The following SFI1 variants were observed in gnomAD, a reference collection of about 807,000 sequenced individuals.
SFI1 encodes SFI1 centrin binding protein.
Under a neutral mutation model 207.5 loss-of-function variants are expected in SFI1, and 195 were observed. The ratio of observed to expected loss-of-function variants is 0.94; its 90% CI spans 0.84 to 1.06. The LOEUF (loss-of-function observed/expected upper bound fraction) is 1.06, where lower values mean the gene tolerates loss of function less well. Ranked by LOEUF, SFI1 falls within the 50% of genes least tolerant of loss-of-function variation. SFI1 has a pLI of 0.00. For missense variants in SFI1, 1,634 were observed against 1,588.0 expected (o/e 1.03, Z -0.49); for synonymous variants, 630 against 598.9 (o/e 1.05, Z -0.76).
At chr22:31,576,558 T>A (rs1024743748) in intron 10 of SFI1, among the ~76,000 whole-genome samples, 1 of 151,906 alleles carries the variant, frequency 6.6e-6, no homozygotes, top group Non-Finnish European at 1.5e-5. Context: ...TGACCCAAAG[T>A]GATCCACTTG....
chr22:31,551,333 C>A (rs1689394153), intron 6 of SFI1, among the ~76,000 whole-genome samples: 1 of 152,092 alleles, frequency 6.6e-6, no homozygotes, highest in Admixed American at 6.6e-5. Flanking sequence ...ATCTTTCCAT[C>A]TTTGTCCCTG....
At chr22:31,530,677 CAG>C (rs749618728) in intron 3 of SFI1, 125 of 469,644 alleles carry the variant, frequency 2.7e-4, no homozygotes, top group Non-Finnish European at 4.4e-4. Context: ...GGGGTTTGAA[CAG>C]AGTGCTGAGA....
intron 14 of SFI1, chr22:31,587,242 A>G (rs904767147): frequency 1.2e-5 from 3 of 252,200 alleles, no homozygotes; most frequent in Non-Finnish European, 2.7e-5. Context: ...ATTGGGTATT[A>G]TGAGTAATCT....
At chr22:31,572,945 G>C (rs1391734539) in intron 8 of SFI1, 113 bp from the exon 9 acceptor site, 2 of 1,106,958 alleles carry the variant, frequency 1.8e-6, no homozygotes, top group East Asian at 4.8e-5. Flanking sequence ...CCACTTCCTT[G>C]TTTCTAATTT....
chr22:31,613,602 G>T lies in SFI1; in HGVS notation c.2743G>T (p.Ala915Ser). 1.3e-6 allele frequency: 2 copies of T among 1,580,184 alleles called. No individual in the cohort carries two copies. The highest frequency in any genetic ancestry group is 2.7e-5 in the African/African-American group (2 of 74,590). ...QQLQAQQQVQ[A>S]AHSLHRAVRR... is the part of the protein sequence containing the mutation. The stretch of plus-strand genomic sequence containing the variant: ...GAGCTGACCAGAGGCTGTGTTGTAG[G>T]CGGCTCACAGTCTCCATCGTGCCGT... Residue 915 changes from alanine to serine, a missense_variant and splice_region_variant, in exon 27 of 33, where the codon GCG (alanine) becomes TCG (serine). By Grantham distance (99) the Ala-to-Ser change is moderately conservative. Transcript: ENST00000400288.
chr22:31,580,470 T>C (rs1825381886), intron 12 of SFI1, 106 bp downstream of exon 12: 8 of 837,518 alleles, frequency 9.6e-6, no homozygotes, highest in South Asian at 8.6e-5. Context: ...AAAAAACTTT[T>C]TGTGCTTCAA....
chr22:31,520,541 C>A (rs937925521), intron 2 of SFI1, among the ~76,000 whole-genome samples: 6 of 151,972 alleles, frequency 3.9e-5, no homozygotes, highest in Non-Finnish European at 8.8e-5. Context: ...CTAATACTCA[C>A]GGAGGGTTGG....
In SFI1 at chr22:31,573,207, G is replaced by A. The variant is rs2063128827; in HGVS notation, c.915G>A (p.Gln305=). The A allele has an allele frequency of 6.2e-7, 1 of 1,613,874 alleles. No individual in the cohort carries two copies. The highest frequency in any genetic ancestry group is 8.5e-7 in the Non-Finnish European group (1 of 1,179,956). The change falls in exon 9 of 33, where the codon CAG becomes CAA. Residue 305 remains glutamine (Q), a synonymous_variant. Coordinates refer to ENST00000400288, the MANE Select transcript of SFI1 (RefSeq NM_001007467.3). ...EYLQVRRVKR[Q]QNEMAERFHH... ...TGCAAGTCCGCAGAGTGAAGAGACA[G>A]CAGAATGGTGAGTAGGAAGCTCCAG...
intron 7 of SFI1, among the ~76,000 whole-genome samples, chr22:31,560,393 T>C (rs2061569140): frequency 6.7e-6 from 1 of 149,334 alleles, no homozygotes; most frequent in Non-Finnish European, 1.5e-5. Flanking sequence ...CAAATGTTGG[T>C]AATACTCTTT....
chr22:31,548,509 G>A (rs565951336), intron 5 of SFI1, among the ~76,000 whole-genome samples: 13 of 152,070 alleles, frequency 8.5e-5, no homozygotes, highest in South Asian at 6.2e-4. Flanking sequence ...CGGGCATGGC[G>A]GCATGCGCCT....
At chr22:31,607,049 C>A (rs2281440) in intron 21 of SFI1, among the ~76,000 whole-genome samples, 12,862 of 151,706 alleles carry the variant, frequency 0.085, 953 homozygotes, top group East Asian at 0.39. Context: ...GACAACAGAG[C>A]AAGGTTGTCT....
At chr22:31,547,486 G>T (rs762271976) in intron 5 of SFI1, among the ~76,000 whole-genome samples, 35 of 151,056 alleles carry the variant, frequency 2.3e-4, no homozygotes, top group Non-Finnish European at 8.9e-5. Context: ...AATTTTTGTA[G>T]TTTTAGTAGA....
At chr22:31,603,057 A>G (rs186355798) in intron 17 of SFI1, among the ~76,000 whole-genome samples, 93 of 152,306 alleles carry the variant, frequency 6.1e-4, no homozygotes, top group Non-Finnish European at 9.8e-4. Context: ...ACATGGAGAA[A>G]ACCCTCTCTA....
chr22:31,558,710 C>T (rs1276239140), intron 7 of SFI1, among the ~76,000 whole-genome samples: 1 of 152,172 alleles, frequency 6.6e-6, no homozygotes, highest in Non-Finnish European at 1.5e-5. Flanking sequence ...AACTCCTGAC[C>T]TCATGATTCA....
intron 7 of SFI1, 70 bp from the exon 8 acceptor site, chr22:31,561,220 A>G: frequency 7.3e-7 from 1 of 1,378,330 alleles, no homozygotes. Flanking sequence ...GAGGCCCCAC[A>G]CTAACTGCTC....
chr22:31,542,101 T>TAA (rs10651316), intron 4 of SFI1, among the ~76,000 whole-genome samples: 74,504 of 114,082 alleles, frequency 0.65, 24,674 homozygotes, highest in Non-Finnish European at 0.71. Flanking sequence ...ACCCCGTCTT[T>TAA]AAAAAAAAAA....
intron 2 of SFI1, among the ~76,000 whole-genome samples, chr22:31,511,472 T>TG (rs2055526521): frequency 7.0e-6 from 1 of 142,706 alleles, no homozygotes; most frequent in Admixed American, 7.1e-5. Context: ...CTGTTTTTTT[T>TG]TTTTTTTTTT....
intron 2 of SFI1, among the ~76,000 whole-genome samples, chr22:31,514,589 A>C (rs1222138830): frequency 2.0e-5 from 3 of 151,058 alleles, no homozygotes; most frequent in Non-Finnish European, 4.4e-5. Flanking sequence ...CCATCTTCCC[A>C]ATTCTCCCTA....
rs1424137068 is a variant in SFI1, at chr22:31,553,345, TTTTG to T, written c.544+3006_544+3009del. Among the ~76,000 whole-genome samples, 9 of 151,848 alleles carry T rather than the reference TTTTG, an allele frequency of 5.9e-5. 1 individual carries two copies. The highest frequency in any genetic ancestry group is 3.3e-4 in the Admixed American group (5 of 15,186). ...GTGTTCTTTTTGAGATTTGAAAGTT[TTTTG>T]TTTGTTTGGTTGGTTTGGTTTTTTT... On this transcript the variant is annotated intron_variant, in intron 6 of 32. Coordinates refer to ENST00000400288, the MANE Select transcript of SFI1 (RefSeq NM_001007467.3).
Sources: gnomAD v4.1 joint callset for allele counts (sites outside exome capture counted in the v4.1 genomes callset) on GRCh38, gnomAD v4.1.1 for gene constraint, MANE v1.5 for transcripts, NCBI Gene and HGNC (gene_info 2026-07-23, HGNC 2026-07-21) for gene names.